Variants in ELFN1 observed in about 807,000 individuals in gnomAD.
The protein encoded by ELFN1 is extracellular leucine rich repeat and fibronectin type III domain containing 1.
Under a neutral mutation model 7.6 loss-of-function variants are expected in ELFN1, and 6 were observed. The observed-to-expected ratio is 0.79, with a 90% CI of 0.43 to 1.56. The LOEUF (loss-of-function observed/expected upper bound fraction) is 1.56, where lower values mean the gene tolerates loss of function less well. ELFN1 is among the 40% of genes most tolerant of loss of function. ELFN1 has a pLI of 0.01. For missense variants in ELFN1, 1,169 were observed against 1,232.2 expected, an observed-to-expected ratio of 0.95 and a Z score of 0.77; for synonymous variants, 657 against 588.1, an observed-to-expected ratio of 1.12 and a Z score of -1.70.
upstream of ELFN1, among the ~76,000 whole-genome samples, chr7:1,668,269 C>G (rs1318200115): frequency 1.3e-5 from 2 of 152,246 alleles, no homozygotes; most frequent in Non-Finnish European, 2.9e-5. Flanking sequence ...AGGAAATGGA[C>G]TCATCATGCC....
chr7:1,711,575 TG>T (rs1779652773), intron 3 of ELFN1, among the ~76,000 whole-genome samples: 1 of 87,544 alleles, frequency 1.1e-5, no homozygotes, highest in Non-Finnish European at 2.2e-5. Context: ...AGCGAGAGAG[TG>T]AGAGAGAGAG....
intron 2 of ELFN1, among the ~76,000 whole-genome samples, chr7:1,701,666 G>A (rs768179527): frequency 6.6e-6 from 1 of 152,098 alleles, no homozygotes; most frequent in Non-Finnish European, 1.5e-5. Context: ...ATGGAGCACA[G>A]ATGTGCATGC....
chr7:1,696,276 TGGA>T (rs1280808233), intron 2 of ELFN1, among the ~76,000 whole-genome samples: 2 of 67,350 alleles, frequency 3.0e-5, no homozygotes, highest in Admixed American at 1.6e-4. Flanking sequence ...GAGAAAGAGA[TGGA>T]GAGAGAGAGA....
At chr7:1,680,366 C>T (rs571431126) in intron 1 of ELFN1, among the ~76,000 whole-genome samples, 10 of 152,314 alleles carry the variant, frequency 6.6e-5, no homozygotes, top group East Asian at 3.9e-4. Flanking sequence ...ATGGTCAAGA[C>T]GTGGATGGTC....
At chr7:1,699,995 C>T (rs145352368) in intron 2 of ELFN1, among the ~76,000 whole-genome samples, 5 of 152,334 alleles carry the variant, frequency 3.3e-5, no homozygotes, top group African/African-American at 7.2e-5. Context: ...CCCCCGTGCC[C>T]GGCCTCATCA....
intron 2 of ELFN1, chr7:1,694,105 C>G: frequency 4.0e-6 from 1 of 249,836 alleles, no homozygotes; most frequent in Middle Eastern, 1.6e-3. Context: ...GAAACCGAGG[C>G]TTGAAGCAGC....
chr7:1,727,854 CA>C (rs1397242161), intron 3 of ELFN1, among the ~76,000 whole-genome samples: 6 of 152,166 alleles, frequency 3.9e-5, no homozygotes, highest in Admixed American at 3.9e-4. Context: ...GCAATCCTCC[CA>C]CCTTGCCCTC....
chr7:1,747,242 C>A lies in ELFN1; in HGVS notation c.*159C>A. On this transcript the variant is annotated 3_prime_UTR_variant, in exon 4 of 4. Transcript: ENST00000424383. ...AGCGAGTGGGGACAGACAAGGGGGA[C>A]ACGTCCCGAGCTCCTGTGGCCGGTC... is the stretch of plus-strand genomic sequence containing the variant. 1 of 850,270 alleles carries A rather than the reference C, an allele frequency of 1.2e-6. No individual in the cohort carries two copies. Among genetic ancestry groups the A allele is most frequent in the Non-Finnish European group, 1.7e-6 (1 of 593,530 alleles). 52.7% of individuals were successfully genotyped at this position (850,270 alleles called of 1,614,324 possible). A position where few individuals can be genotyped will look rare whatever the true frequency, so the allele number is the denominator to read the frequency against.
At chr7:1,724,589 G>A (rs1292444665) in intron 3 of ELFN1, among the ~76,000 whole-genome samples, 1 of 152,200 alleles carries the variant, frequency 6.6e-6, no homozygotes, top group Admixed American at 6.5e-5. Flanking sequence ...AACCAGGTGA[G>A]GACAGAGCTT....
chr7:1,682,862 A>G (rs1321647763), intron 1 of ELFN1, among the ~76,000 whole-genome samples: 1 of 152,200 alleles, frequency 6.6e-6, no homozygotes, highest in African/African-American at 2.4e-5. Flanking sequence ...GGTCTTTATC[A>G]GGTTGAGAAG....
chr7:1,742,992 A>G (rs1261504050), intron 3 of ELFN1, among the ~76,000 whole-genome samples: 1 of 152,216 alleles, frequency 6.6e-6, no homozygotes, highest in Non-Finnish European at 1.5e-5. Flanking sequence ...ACATATTAAC[A>G]AGCAAACACA....
chr7:1,670,264 G>C (rs1037093363), upstream of ELFN1, among the ~76,000 whole-genome samples: 25 of 152,006 alleles, frequency 1.6e-4, no homozygotes, highest in Non-Finnish European at 2.4e-4. This position sits in a 1 kb window ranked among gnomAD's most constrained non-coding sequence, Gnocchi z 6.4. Context: ...GGGCGAAGCT[G>C]GGGAGGAATT....
At chr7:1,677,961 G>T (rs1269731054) in intron 1 of ELFN1, among the ~76,000 whole-genome samples, 1 of 152,018 alleles carries the variant, frequency 6.6e-6, no homozygotes, top group Non-Finnish European at 1.5e-5. Flanking sequence ...AGACATCCGG[G>T]CTTATTTTTG....
At position 1,745,354 on chromosome 7, in the gene ELFN1, A is replaced by G; in HGVS notation, c.758A>G (p.Asp253Gly). The G allele has an allele frequency of 6.5e-7, 1 of 1,539,438 alleles. No individual in the cohort carries two copies. The highest frequency in any genetic ancestry group is 8.7e-7 in the Non-Finnish European group (1 of 1,146,338). Residue 253 changes from aspartate to glycine, a missense_variant, in exon 4 of 4, where the codon GAC becomes GGC. This residue lies in a region of ELFN1 where 914 missense variants were observed against 872.6 expected (regional missense o/e 1.05). Transcript: ENST00000424383. ...LSKLQSVCTE[D>G]SYAAEVVGPP... is the part of the protein sequence containing the mutation. ...AAACTGCAGTCAGTCTGCACCGAGG[A>G]CTCGTACGCGGCTGAGGTGGTCGGG...
intron 1 of ELFN1, among the ~76,000 whole-genome samples, chr7:1,677,572 G>A (rs553508852): frequency 1.3e-5 from 2 of 152,212 alleles, no homozygotes; most frequent in South Asian, 4.1e-4. Context: ...ATGGGAGTGT[G>A]CACACACGTG....
intron 2 of ELFN1, among the ~76,000 whole-genome samples, chr7:1,697,964 G>A (rs1355475089): frequency 6.6e-6 from 1 of 152,202 alleles, no homozygotes; most frequent in African/African-American, 2.4e-5. Flanking sequence ...CCAGGCCTGG[G>A]CTTCCCGCAG....
intron 3 of ELFN1, among the ~76,000 whole-genome samples, chr7:1,728,639 C>T (rs1780257886): frequency 6.6e-6 from 1 of 152,244 alleles, no homozygotes; most frequent in Non-Finnish European, 1.5e-5. Context: ...CCACTTCACG[C>T]CCCAGGCAGC....
intron 2 of ELFN1, among the ~76,000 whole-genome samples, chr7:1,706,424 AAAAACAAAAC>A (rs57052038): frequency 0.05 from 7,435 of 149,162 alleles, 430 homozygotes; most frequent in African/African-American, 0.14. Flanking sequence ...TCTGTCTCAA[AAAAACAAAAC>A]AAAACAAAAC....
At chr7:1,731,707 A>G (rs1201331782) in intron 3 of ELFN1, among the ~76,000 whole-genome samples, 1 of 152,180 alleles carries the variant, frequency 6.6e-6, no homozygotes, top group Non-Finnish European at 1.5e-5. Context: ...GCTGGGGTGC[A>G]GTGGTGCGAT....
Sources: gnomAD v4.1 joint callset for allele counts (sites outside exome capture counted in the v4.1 genomes callset) on GRCh38, gnomAD v4.1.1 for gene constraint, gnomAD v4.1.1 regional missense constraint, Gnocchi (gnomAD v3.1) non-coding constraint, MANE v1.5 for transcripts, NCBI Gene and HGNC (gene_info 2026-07-23, HGNC 2026-07-21) for gene names.